The following GPR143 variants were observed in gnomAD, a reference collection of about 807,000 sequenced individuals.
The protein encoded by GPR143 is G-protein coupled receptor 143.
A neutral mutation model predicts 27.6 loss-of-function variants in GPR143; 8 were observed. The ratio of observed to expected loss-of-function variants is 0.29; its 90% confidence interval spans 0.17 to 0.52. The LOEUF (loss-of-function observed/expected upper bound fraction) is 0.52. GPR143 is among the 20% of genes least tolerant of loss of function. The pLI, the probability that GPR143 is intolerant of heterozygous loss-of-function variation, is 0.96. For synonymous variants in GPR143, 156 were observed against 153.2 expected (o/e 1.02, Z -0.13); for missense variants, 303 against 343.1 (o/e 0.88, Z 0.92).
intron 1 of GPR143, among the ~76,000 whole-genome samples, chrX:9,765,001 G>C (rs189090977): frequency 0.01 from 1,034 of 99,019 alleles, 8 homozygotes; most frequent in Middle Eastern, 0.04. Context: ...TTCAGTCTGG[G>C]CGACAGAGCA....
chrX:9,766,915 A>T (rs1033293625), upstream of GPR143, among the ~76,000 whole-genome samples: 52 of 103,232 alleles, frequency 5.0e-4, no homozygotes, highest in African/African-American at 1.9e-3. Flanking sequence ...ACACACACAC[A>T]CACACACACA....
At chrX:9,754,777 A>G (rs2083466337) in intron 3 of GPR143, among the ~76,000 whole-genome samples, 1 of 111,450 alleles carries the variant, frequency 9.0e-6, no homozygotes, top group African/African-American at 3.3e-5. Context: ...TTTCCCCCAC[A>G]TCCCCACCGT....
chrX:9,736,238 C>T (rs1405432871), intron 8 of GPR143, among the ~76,000 whole-genome samples: 3 of 111,231 alleles, frequency 2.7e-5, no homozygotes, highest in Non-Finnish European at 3.8e-5. Context: ...GCCAAAAGTC[C>T]GATGTGGAAA....
At chrX:9,756,509 C>T (rs774934039) in intron 3 of GPR143, among the ~76,000 whole-genome samples, 1 of 111,903 alleles carries the variant, frequency 8.9e-6, no homozygotes, top group South Asian at 3.7e-4. Flanking sequence ...CTACTTGTAT[C>T]TAGAATATAT....
intron 1 of GPR143, among the ~76,000 whole-genome samples, chrX:9,778,090 C>CA (rs779079645): frequency 1.1e-4 from 12 of 105,827 alleles, no homozygotes; most frequent in African/African-American, 2.1e-4. Flanking sequence ...GACTCCATCT[C>CA]AAAAAAAAAA....
At chrX:9,772,513 A>C (rs943910421) in intron 1 of GPR143, among the ~76,000 whole-genome samples, 3 of 112,102 alleles carry the variant, frequency 2.7e-5, no homozygotes, top group African/African-American at 6.5e-5. Context: ...AATTTGGCAG[A>C]ACACGTCTAT....
At position 9,743,635 on chromosome X, in the gene GPR143, C is replaced by T. The variant is rs62635038; in HGVS notation, c.697G>A (p.Glu233Lys). ...ACGGCTCCCATCCTCCTCTCGTTCT[C>T]CGTGTAAATGCCTTGTCTTCCTTTA... is the stretch of plus-strand genomic sequence containing the variant. The part of the protein sequence containing the change: ...LLKGRQGIYT[E>K]NERRMGAVIK... Residue 233 changes from glutamate to lysine, a missense_variant, in exon 6 of 9, where the codon GAG (glutamate) becomes AAG (lysine). Coordinates refer to ENST00000467482, the MANE Select transcript of GPR143 (RefSeq NM_000273.3). 8.5e-7 allele frequency: 1 copy of T among 1,181,936 alleles called. No homozygotes were observed. Among genetic ancestry groups the T allele is most frequent in the Non-Finnish European group, 1.2e-6 (1 of 869,315 alleles).
intron 5 of GPR143, among the ~76,000 whole-genome samples, chrX:9,744,435 T>C (rs1458455558): frequency 8.9e-6 from 1 of 112,094 alleles, no homozygotes. Flanking sequence ...AGAGGTGCAG[T>C]GGCTCACAAC....
chrX:9,731,819 T>G (rs949153376), intron 8 of GPR143, among the ~76,000 whole-genome samples: 3 of 98,043 alleles, frequency 3.1e-5, no homozygotes, highest in Non-Finnish European at 6.4e-5. Context: ...GAAGGAATTG[T>G]GGAAGGCAAG....
chrX:9,759,956 A>T (rs760655490), intron 2 of GPR143, among the ~76,000 whole-genome samples: 2 of 112,623 alleles, frequency 1.8e-5, no homozygotes, highest in South Asian at 3.8e-4. Context: ...TCAACACAGC[A>T]TCAGGGAATG....
At chrX:9,750,376 ATT>A (rs145159358) in intron 3 of GPR143, among the ~76,000 whole-genome samples, 1 of 101,729 alleles carries the variant, frequency 9.8e-6, no homozygotes. Context: ...TGCCCAGCTA[ATT>A]TTTTTTTTTT....
intron 8 of GPR143, among the ~76,000 whole-genome samples, chrX:9,730,822 C>A (rs1257416225): frequency 2.7e-5 from 3 of 111,999 alleles, no homozygotes; most frequent in Non-Finnish European, 5.6e-5. Context: ...AAGCATGACT[C>A]CTCCTGTTCC....
upstream of GPR143, chrX:9,766,039 A>G (rs1048882147): frequency 9.2e-5 from 26 of 281,101 alleles, no homozygotes; most frequent in Non-Finnish European, 1.4e-4. Context: ...AGGAGGACAG[A>G]GAGAGGGAGG....
At chrX:9,765,957 G>T, upstream of GPR143, 1 of 578,792 alleles carries the variant, frequency 1.7e-6, no homozygotes. Context: ...AGTAGAGCCA[G>T]GCTCGGTGGG....
At chrX:9,755,413 T>C (rs970796787) in intron 3 of GPR143, among the ~76,000 whole-genome samples, 1 of 108,028 alleles carries the variant, frequency 9.3e-6, no homozygotes, top group Non-Finnish European at 1.9e-5. Context: ...AGTGAAACTC[T>C]ATCTTTTTCA....
At chrX:9,743,249 C>T (rs961523513) in intron 6 of GPR143, among the ~76,000 whole-genome samples, 6 of 101,459 alleles carry the variant, frequency 5.9e-5, no homozygotes, top group East Asian at 3.0e-4. Context: ...AAAAAGCATA[C>T]GCAACCCCTT....
chrX:9,736,120 G>T lies in GPR143; in HGVS notation c.1120+3365C>A, dbSNP rs1402789530. 2.7e-5 allele frequency among the ~76,000 whole-genome samples: 3 copies of T among 110,833 alleles called. No homozygotes were observed. The Admixed American group carries it at 2.9e-4, about 11-fold the overall frequency. ...TGCGTTTCCCCCGCCACTGACAGAA[G>T]GGAAGCACATTCTGGGGTGACAGGC... On this transcript the variant is annotated intron_variant, in intron 8 of 8. Coordinates refer to ENST00000467482, the MANE Select transcript of GPR143 (RefSeq NM_000273.3).
chrX:9,730,449 G>A (rs146076180), intron 8 of GPR143, among the ~76,000 whole-genome samples: 25 of 111,868 alleles, frequency 2.2e-4, no homozygotes, highest in Non-Finnish European at 4.1e-4. Flanking sequence ...AAGACACCAC[G>A]TGTTACTTTT....
intron 1 of GPR143, 136 bp from the exon 2 acceptor site, chrX:9,760,962 G>A: frequency 4.4e-6 from 2 of 453,458 alleles, no homozygotes; most frequent in Non-Finnish European, 4.0e-6. Flanking sequence ...AGGAAAGGAG[G>A]GAGGGAGAGA....
Sources: gnomAD v4.1 joint callset for allele counts (sites outside exome capture counted in the v4.1 genomes callset) on GRCh38, gnomAD v4.1.1 for gene constraint, MANE v1.5 for transcripts, NCBI Gene and HGNC (gene_info 2026-07-23, HGNC 2026-07-21) for gene names.